PSMA1: variants seen among roughly 807,000 people sequenced by gnomAD.
The protein encoded by PSMA1 is proteasome 20S subunit alpha 1, also known as proteasome subunit alpha type-1.
In PSMA1, 3 loss-of-function variants were observed where a neutral mutation model predicts 38.4. The observed-to-expected ratio is 0.08, with a 90% CI of 0.04 to 0.20. The LOEUF is 0.20. PSMA1 is among the 10% of genes least tolerant of loss of function. The pLI, the probability that PSMA1 is intolerant of heterozygous loss-of-function variation, is 1.00. For missense variants in PSMA1, 227 were observed against 325.3 expected, an observed-to-expected ratio of 0.70 and a Z score of 2.32; for synonymous variants, 101 against 107.1, an observed-to-expected ratio of 0.94 and a Z score of 0.35.
chr11:14,530,934 A>G (rs542399900), intron 2 of PSMA1, among the ~76,000 whole-genome samples: 2 of 149,640 alleles, frequency 1.3e-5, no homozygotes, highest in Non-Finnish European at 3.0e-5. Context: ...GTGAATGAAT[A>G]AAAGTTCTCT....
At chr11:14,638,531 CTCTCTCTCTCTCTCTATATATATATA>C (rs1282489523) in intron 1 of PSMA1, among the ~76,000 whole-genome samples, 308 of 28,850 alleles carry the variant, frequency 0.011, no homozygotes, top group Non-Finnish European at 0.015. Context: ...CTCTCTCTCT[CTCTCTCTCTCTCTCTATATATATATA>C]TATATATATA....
At chr11:14,606,713 A>G (rs1203072618) in intron 2 of PSMA1, among the ~76,000 whole-genome samples, 2 of 152,250 alleles carry the variant, frequency 1.3e-5, no homozygotes, top group East Asian at 3.8e-4. Flanking sequence ...TAATTCTGAC[A>G]TTTATTAGCT....
chr11:14,629,971 T>C (rs1000034283), intron 1 of PSMA1, among the ~76,000 whole-genome samples: 27 of 152,228 alleles, frequency 1.8e-4, no homozygotes, highest in African/African-American at 6.3e-4. Flanking sequence ...TCTCCGTCTG[T>C]TGTTGGTGTA....
intron 1 of PSMA1, among the ~76,000 whole-genome samples, chr11:14,613,296 G>T (rs1852730881): frequency 7.4e-6 from 1 of 135,548 alleles, no homozygotes; most frequent in Non-Finnish European, 1.6e-5. Context: ...ATGGTGCCCA[G>T]GCTGGACTGC....
In PSMA1 at chr11:14,635,685, C is replaced by A. The variant is rs1010471453; in HGVS notation, c.-166+7770G>T. Among the ~76,000 whole-genome samples, 6 of 152,002 alleles carry A rather than the reference C, an allele frequency of 3.9e-5. No individual in the cohort carries two copies. In the East Asian group the frequency reaches 5.8e-4, roughly 15 times the overall value. On this transcript the variant is annotated intron_variant, in intron 1 of 10. Coordinates refer to the PSMA1 transcript ENST00000418988. ...AAGATCATTTCAATGATCTTACCAT[C>A]GGAATCTTTTCAAAAGGGAGATTTC...
intron 2 of PSMA1, among the ~76,000 whole-genome samples, chr11:14,579,827 A>C (rs931613192): frequency 2.6e-5 from 4 of 152,208 alleles, no homozygotes; most frequent in African/African-American, 9.7e-5. Flanking sequence ...ATGCCCTCCA[A>C]GTGAACATGA....
intron 1 of PSMA1, among the ~76,000 whole-genome samples, chr11:14,631,463 T>C (rs1288051425): frequency 1.3e-5 from 2 of 152,136 alleles, no homozygotes; most frequent in Non-Finnish European, 2.9e-5. Context: ...AGTTTCCATG[T>C]AGTTGAGCGG....
chr11:14,606,718 T>C (rs1051397449), intron 2 of PSMA1, among the ~76,000 whole-genome samples: 23 of 152,264 alleles, frequency 1.5e-4, no homozygotes, highest in African/African-American at 4.1e-4. Flanking sequence ...CTGACATTTA[T>C]TAGCTGTATA....
chr11:14,573,855 T>C (rs1270125850), intron 2 of PSMA1, among the ~76,000 whole-genome samples: 1 of 152,192 alleles, frequency 6.6e-6, no homozygotes, highest in Non-Finnish European at 1.5e-5. Context: ...TCACTTTTGT[T>C]ATGCATTAGC....
chr11:14,603,829 G>T lies in PSMA1; in HGVS notation c.21+7137C>A, dbSNP rs944926786. The stretch of plus-strand genomic sequence containing the variant: ...AACAGATCTATAAAATTATGAATTG[G>T]AAATCAGTATCAAGAAATATTCCAG... On this transcript the variant is annotated intron_variant, in intron 2 of 10. Coordinates refer to the PSMA1 transcript ENST00000418988. Among the ~76,000 whole-genome samples the T allele has an allele frequency of 1.3e-5, 2 of 152,148 alleles. 1 individual carries two copies. Among genetic ancestry groups the T allele is most frequent in the Non-Finnish European group, 2.9e-5 (2 of 68,020 alleles).
chr11:14,558,512 GTGCTAA>G (rs2134172040), intron 2 of PSMA1, among the ~76,000 whole-genome samples: 1 of 152,320 alleles, frequency 6.6e-6, no homozygotes, highest in African/African-American at 2.4e-5. Flanking sequence ...TTGAGATAAT[GTGCTAA>G]AGAGGAGCTG....
At chr11:14,589,174 G>C (rs1410961442) in intron 2 of PSMA1, among the ~76,000 whole-genome samples, 1 of 152,036 alleles carries the variant, frequency 6.6e-6, no homozygotes, top group Non-Finnish European at 1.5e-5. Flanking sequence ...TTTTCTGTGA[G>C]GAATCCCTGC....
chr11:14,592,374 CTCTATATATATATA>C (rs1437305753), intron 2 of PSMA1, among the ~76,000 whole-genome samples: 1 of 119,256 alleles, frequency 8.4e-6, no homozygotes, highest in Non-Finnish European at 1.7e-5. Flanking sequence ...CTCTCTCTCT[CTCTATATATATATA>C]TATATATTTT....
intron 1 of PSMA1, among the ~76,000 whole-genome samples, chr11:14,616,591 T>C (rs1242541826): frequency 6.6e-6 from 1 of 152,028 alleles, no homozygotes; most frequent in Non-Finnish European, 1.5e-5. Context: ...AATTGAGAAA[T>C]AAGATTACAA....
intron 2 of PSMA1, among the ~76,000 whole-genome samples, chr11:14,553,670 T>C (rs182762029): frequency 6.6e-6 from 1 of 152,158 alleles, no homozygotes; most frequent in Non-Finnish European, 1.5e-5. Flanking sequence ...TTTTTATTAC[T>C]GAGTAGTATT....
At chr11:14,522,642 T>C (rs1851542923), upstream of PSMA1, among the ~76,000 whole-genome samples, 1 of 152,214 alleles carries the variant, frequency 6.6e-6, no homozygotes, top group South Asian at 2.1e-4. Context: ...TCTTTTGTTG[T>C]ATTTCTTGGC....
intron 2 of PSMA1, among the ~76,000 whole-genome samples, chr11:14,571,564 A>G (rs1273919546): frequency 1.3e-5 from 2 of 152,224 alleles, no homozygotes; most frequent in Admixed American, 6.5e-5. Flanking sequence ...AAAACATGCC[A>G]AACTGTGAAG....
intron 2 of PSMA1, among the ~76,000 whole-genome samples, chr11:14,525,518 A>G (rs1851576186): frequency 6.6e-6 from 1 of 152,154 alleles, no homozygotes; most frequent in Non-Finnish European, 1.5e-5. Context: ...ATGGGCTTCT[A>G]AAACCTATAA....
chr11:14,533,579 T>C (rs1022421032), intron 2 of PSMA1, among the ~76,000 whole-genome samples: 27 of 100,448 alleles, frequency 2.7e-4, no homozygotes, highest in African/African-American at 1.0e-3. Flanking sequence ...TTTTTTCTTT[T>C]CTTTTCTTTT....
Sources: allele counts gnomAD v4.1 joint callset (sites outside exome capture counted in the v4.1 genomes callset), GRCh38; gene constraint gnomAD v4.1.1; transcripts MANE v1.5; gene names NCBI Gene and HGNC (gene_info 2026-07-23, HGNC 2026-07-21).